Variants in CFAP43 observed in about 807,000 individuals in gnomAD.
CFAP43 encodes the protein cilia- and flagella-associated protein 43.
In CFAP43, 155 loss-of-function variants were observed where a neutral mutation model predicts 218.9. That is an observed-to-expected ratio of 0.71 (90% CI 0.62 to 0.81). The LOEUF is 0.81. Ranked by LOEUF, CFAP43 falls within the 30% of genes least tolerant of loss-of-function variation. CFAP43 has a pLI of 0.00. For synonymous variants in CFAP43, 645 were observed against 681.3 expected (o/e 0.95, Z 0.83); for missense variants, 1,778 against 1,954.3 (o/e 0.91, Z 1.70).
chr10:104,195,708 T>C (rs959270085), intron 10 of CFAP43, among the ~76,000 whole-genome samples: 2 of 152,234 alleles, frequency 1.3e-5, no homozygotes, highest in African/African-American at 4.8e-5. Flanking sequence ...AAAGAAAGCA[T>C]TACCGTTGTT....
At chr10:104,165,017 G>A (rs953516466) in intron 23 of CFAP43, among the ~76,000 whole-genome samples, 1 of 152,208 alleles carries the variant, frequency 6.6e-6, no homozygotes, top group Non-Finnish European at 1.5e-5. Context: ...TGGAACCTGG[G>A]TTGGGGTAGA....
chr10:104,207,639 G>C, intron 6 of CFAP43, 26 bp downstream of exon 6: 6 of 1,600,056 alleles, frequency 3.7e-6, no homozygotes, highest in Non-Finnish European at 5.1e-6. Context: ...GGCTATACAG[G>C]AATATGAAGT....
At chr10:104,152,235 C>T (rs11191933) in intron 28 of CFAP43, among the ~76,000 whole-genome samples, 23,082 of 152,044 alleles carry the variant, frequency 0.15, 1,899 homozygotes, top group South Asian at 0.2. Flanking sequence ...AATTACAATT[C>T]AGTAGCAATG....
chr10:104,227,772 T>G (rs1411293967), intron 2 of CFAP43, among the ~76,000 whole-genome samples: 1 of 151,960 alleles, frequency 6.6e-6, no homozygotes, highest in African/African-American at 2.4e-5. Context: ...TTCTAAGTTT[T>G]TGTTTTGTGT....
chr10:104,227,835 CTTTTTTTTTTTTT>C lies in CFAP43; in HGVS notation c.320-2291_320-2279del, dbSNP rs776193577. Among the ~76,000 whole-genome samples the C allele has an allele frequency of 6.9e-5, 4 of 58,356 alleles. 1 individual carries two copies. Among genetic ancestry groups the C allele is most frequent in the African/African-American group, 2.5e-4 (3 of 12,148 alleles). The allele number at this position is 58,356 out of a possible 152,430, so 38.3% of individuals were successfully genotyped here. On this transcript the variant is annotated intron_variant, in intron 2 of 37. Transcript: ENST00000357060. ...CTCCTCTATTCTACCATGTTTTCTA[CTTTTTTTTTTTTT>C]TTTTTTTTTTTTTTTTTGAGACAGA...
chr10:104,218,347 C>CAA lies in CFAP43; in HGVS notation c.417-3923_417-3922dup, dbSNP rs68078522. Among the ~76,000 whole-genome samples, 486 of 97,550 alleles carry CAA rather than the reference C, an allele frequency of 5.0e-3. 1 individual carries two copies. Among genetic ancestry groups the CAA allele is most frequent in the Middle Eastern group, 0.014 (2 of 144 alleles). 64.0% of individuals were successfully genotyped at this position (97,550 alleles called of 152,430 possible). ...TGGGTGACAGAGTGAGACTGTGTCT[C>CAA]AAAAAAAAAAAAAAAAAAAAAAAGG... On this transcript the variant is annotated intron_variant, in intron 3 of 37. Coordinates refer to ENST00000357060, the MANE Select transcript of CFAP43 (RefSeq NM_025145.7).
At chr10:104,172,296 T>C (rs942525076) in intron 20 of CFAP43, 114 bp downstream of exon 20, 1 of 1,322,094 alleles carries the variant, frequency 7.6e-7, no homozygotes, top group South Asian at 1.4e-5. Flanking sequence ...TTATTCACAT[T>C]ATACTGAAAA....
At chr10:104,218,727 T>C in intron 3 of CFAP43, 1 of 517,366 alleles carries the variant, frequency 1.9e-6, no homozygotes, top group Non-Finnish European at 4.0e-6. Flanking sequence ...AACAGAAGGT[T>C]TGTGCCCTTC....
In CFAP43 at chr10:104,198,523, C is replaced by T. The variant is rs192284516; in HGVS notation, c.1096-485G>A. On this transcript the variant is annotated intron_variant, in intron 8 of 37. Coordinates refer to ENST00000357060, the MANE Select transcript of CFAP43 (RefSeq NM_025145.7). ...TTCAAACTCCTGACCTCAGGTGATC[C>T]GCCCACCTCGGCCTCCCAAAGTGCT... Among the ~76,000 whole-genome samples the T allele has an allele frequency of 5.5e-4, 84 of 152,234 alleles. 1 individual carries two copies. In the East Asian group the frequency reaches 0.015, roughly 28 times the overall value.
intron 5 of CFAP43, among the ~76,000 whole-genome samples, chr10:104,208,073 A>G (rs1450367676): frequency 1.3e-5 from 2 of 152,204 alleles, no homozygotes; most frequent in African/African-American, 4.8e-5. Flanking sequence ...CAATCTGGTC[A>G]CCCAGTGGAT....
chr10:104,152,687 G>C lies in CFAP43; in HGVS notation c.3580C>G (p.Gln1194Glu). The change falls in exon 28 of 38, where the codon CAA becomes GAA. Residue 1194 changes from glutamine to glutamate, a missense_variant. Gln to Glu is a conservative substitution (Grantham distance 29). This residue lies in a region of CFAP43 where 1,553 missense variants were observed against 1,685.2 expected (regional missense o/e 0.92). Transcript: ENST00000357060. ...TCATCAAAGGCCTGTGTGCTTTCTT[G>C]AATAGAGTTTTGAAGTTTCTTCAGT... ...AELKKLQNSI[Q>E]ESTQAFDEHL... The C allele has an allele frequency of 6.2e-7, 1 of 1,613,066 alleles. No homozygotes were observed.
chr10:104,196,533 G>GCA (rs2090386122), intron 10 of CFAP43, among the ~76,000 whole-genome samples: 1 of 152,166 alleles, frequency 6.6e-6, no homozygotes, highest in African/African-American at 2.4e-5. Context: ...CTGGCTCCCT[G>GCA]AGAGACTGTG....
At position 104,148,000 on chromosome 10, in the gene CFAP43, T is replaced by C; in HGVS notation, c.3661-2A>G. 1 of 1,554,330 alleles carries C rather than the reference T, an allele frequency of 6.4e-7. No individual in the cohort carries two copies. The highest frequency in any genetic ancestry group is 8.7e-7 in the Non-Finnish European group (1 of 1,147,190). On this transcript the variant is annotated splice_acceptor_variant, in intron 28 of 37. Transcript: ENST00000357060. LOFTEE classifies it high-confidence loss of function. ...AAGGTTACTTATTTTCAGTTCCTCC[T>C]GTAGAAATATTTAAGAAAAAGGTTG...
At chr10:104,221,146 T>C (rs948599416) in intron 3 of CFAP43, among the ~76,000 whole-genome samples, 1 of 152,160 alleles carries the variant, frequency 6.6e-6, no homozygotes, top group Non-Finnish European at 1.5e-5. Context: ...GGCTAATTTT[T>C]GTATTTTTAG....
At chr10:104,229,587 C>T (rs564077976) in intron 2 of CFAP43, among the ~76,000 whole-genome samples, 1 of 152,058 alleles carries the variant, frequency 6.6e-6, no homozygotes, top group South Asian at 2.1e-4. Context: ...TCACTTGAAC[C>T]CAGGAGGTGG....
intron 3 of CFAP43, among the ~76,000 whole-genome samples, chr10:104,221,469 TCATCCCTTCTAC>T (rs2091179897): frequency 6.6e-6 from 1 of 152,148 alleles, no homozygotes; most frequent in Admixed American, 6.5e-5. Context: ...GAGAGCTAGC[TCATCCCTTCTAC>T]CATGTGAGGA....
At position 104,133,602 on chromosome 10, in the gene CFAP43, G is replaced by T. The variant is rs1315870630; in HGVS notation, c.4596+18C>A. On this transcript the variant is annotated intron_variant, in intron 35 of 37. Transcript: ENST00000357060. ...ATGAATAAAATTAAAACTATGTAGGGGGGTAGGGAGAATTTACCTTTTGAC... is the reference window on the plus strand; with the variant it reads ...ATGAATAAAATTAAAACTATGTAGGTGGGTAGGGAGAATTTACCTTTTGAC... 6.2e-7 allele frequency: 1 copy of T among 1,607,010 alleles called. No individual in the cohort carries two copies. Among genetic ancestry groups the T allele is most frequent in the African/African-American group, 1.3e-5 (1 of 74,620 alleles).
chr10:104,133,823 CTGCATAT>C, intron 34 of CFAP43, 39 bp from the exon 35 acceptor site: 1 of 1,508,250 alleles, frequency 6.6e-7, no homozygotes, highest in Non-Finnish European at 9.0e-7. Context: ...TAATATGATT[CTGCATAT>C]AGAACATAGA....
At chr10:104,190,850 C>A (rs866857612) in intron 12 of CFAP43, among the ~76,000 whole-genome samples, 77 of 152,324 alleles carry the variant, frequency 5.1e-4, no homozygotes, top group Middle Eastern at 3.4e-3. Context: ...ACTTCCTTAA[C>A]TGGGCTCTGC....
Sources: gnomAD v4.1 joint callset for allele counts (sites outside exome capture counted in the v4.1 genomes callset) on GRCh38, gnomAD v4.1.1 for gene constraint, gnomAD v4.1.1 regional missense constraint, MANE v1.5 for transcripts, NCBI Gene and HGNC (gene_info 2026-07-23, HGNC 2026-07-21) for gene names.